The following NALF1 variants were observed in gnomAD, a reference collection of about 807,000 sequenced individuals.
The protein encoded by NALF1 is NALCN channel auxiliary factor 1, also known as family with sequence similarity 155 member A.
Under a neutral mutation model 48.4 loss-of-function variants are expected in NALF1, and 3 were observed. The ratio of observed to expected loss-of-function variants is 0.06; its 90% confidence interval spans 0.03 to 0.16. The LOEUF is 0.16. Among genes scored for constraint, NALF1 ranks in the 10% least tolerant of loss-of-function variants. The pLI is 1.00. For synonymous variants in NALF1, 262 were observed against 245.7 expected (o/e 1.07, Z -0.62); for missense variants, 526 against 571.5 (o/e 0.92, Z 0.81).
intron 1 of NALF1, among the ~76,000 whole-genome samples, chr13:107,834,206 C>T (rs1416483015): frequency 6.6e-6 from 1 of 152,098 alleles, no homozygotes; most frequent in East Asian, 1.9e-4. Flanking sequence ...GATGCAAATA[C>T]TATGCCATGT....
At chr13:107,800,528 TTAAC>T (rs1427950038) in intron 1 of NALF1, among the ~76,000 whole-genome samples, 2 of 137,674 alleles carry the variant, frequency 1.5e-5, no homozygotes, top group South Asian at 2.2e-4. Flanking sequence ...TGCATCTGAA[TTAAC>T]TAATTTAAGT....
chr13:107,549,482 T>G (rs1465819933), intron 1 of NALF1, among the ~76,000 whole-genome samples: 1 of 152,176 alleles, frequency 6.6e-6, no homozygotes, highest in East Asian at 1.9e-4. Context: ...CATACAAATT[T>G]CAGTCTTTAA....
At position 107,168,771 on chromosome 13, in the gene NALF1, T is replaced by C. The variant is rs925768363; in HGVS notation, c.*1726A>G. The C allele has an allele frequency of 6.6e-5, 10 of 152,580 alleles. No homozygotes were observed. The highest frequency in any genetic ancestry group is 2.2e-4 in the African/African-American group (9 of 41,430). 9.5% of individuals were successfully genotyped at this position (152,580 alleles called of 1,614,324 possible). A position where few individuals can be genotyped will look rare whatever the true frequency, so the allele number is the denominator to read the frequency against. The stretch of plus-strand genomic sequence containing the variant: ...TGTACGCATGTCGCAGGGTTAAGTA[T>C]GATGCAGAGGTTAAAGTCTGTTTGA... On this transcript the variant is annotated 3_prime_UTR_variant, in exon 3 of 3. Transcript: ENST00000375915.
intron 1 of NALF1, among the ~76,000 whole-genome samples, chr13:107,344,345 C>T (rs1158556961): frequency 6.6e-6 from 1 of 152,078 alleles, no homozygotes; most frequent in East Asian, 1.9e-4. Flanking sequence ...ATGAGTCCAT[C>T]ATTACTCTGA....
intron 1 of NALF1, among the ~76,000 whole-genome samples, chr13:107,237,241 G>C (rs1275158102): frequency 6.6e-6 from 1 of 151,972 alleles, no homozygotes; most frequent in African/African-American, 2.4e-5. Flanking sequence ...GCTGGATGGA[G>C]AAAGTATGAA....
chr13:107,528,672 G>T (rs79879942), intron 1 of NALF1, among the ~76,000 whole-genome samples: 2,402 of 152,190 alleles, frequency 0.016, 34 homozygotes, highest in Non-Finnish European at 0.024. Flanking sequence ...TAACATAGTA[G>T]GTCCTGAGGA....
At chr13:107,848,577 C>A (rs1880230379) in intron 1 of NALF1, among the ~76,000 whole-genome samples, 2 of 152,102 alleles carry the variant, frequency 1.3e-5, no homozygotes. Context: ...CACATGTGGA[C>A]AAACAGTAAC....
At chr13:107,259,114 T>C (rs975221666) in intron 1 of NALF1, among the ~76,000 whole-genome samples, 1 of 152,198 alleles carries the variant, frequency 6.6e-6, no homozygotes, top group Admixed American at 6.5e-5. Context: ...ATTTCCTTTC[T>C]GCATCAGGGG....
chr13:107,520,856 T>C (rs1453074063), intron 1 of NALF1, among the ~76,000 whole-genome samples: 1 of 152,134 alleles, frequency 6.6e-6, no homozygotes, highest in Non-Finnish European at 1.5e-5. Flanking sequence ...GGTAGACCCC[T>C]GCCTGTGAGA....
chr13:107,547,194 A>C (rs1877158269), intron 1 of NALF1, among the ~76,000 whole-genome samples: 1 of 152,224 alleles, frequency 6.6e-6, no homozygotes, highest in South Asian at 2.1e-4. Context: ...CCACATCAGA[A>C]GAGTGCCTCA....
chr13:107,747,182 A>G (rs1256172271), intron 1 of NALF1, among the ~76,000 whole-genome samples: 1 of 152,232 alleles, frequency 6.6e-6, no homozygotes, highest in Admixed American at 6.5e-5. Context: ...CAACATGGCT[A>G]TAATTTCCAT....
chr13:107,693,022 G>A (rs960998246), intron 1 of NALF1, among the ~76,000 whole-genome samples: 20 of 152,148 alleles, frequency 1.3e-4, no homozygotes, highest in Admixed American at 3.9e-4. Flanking sequence ...TCAGTAATGG[G>A]ATTGCTGGGT....
At chr13:107,618,120 CGA>C (rs1160078929) in intron 1 of NALF1, among the ~76,000 whole-genome samples, 7 of 151,290 alleles carry the variant, frequency 4.6e-5, no homozygotes, top group Non-Finnish European at 8.8e-5. Flanking sequence ...AACAGGGCAC[CGA>C]GAGAGAAAAT....
intron 1 of NALF1, among the ~76,000 whole-genome samples, chr13:107,225,626 G>C (rs533866302): frequency 6.6e-6 from 1 of 152,204 alleles, no homozygotes; most frequent in African/African-American, 2.4e-5. Flanking sequence ...GTGGGGGATG[G>C]GGATGGGGAT....
At chr13:107,321,070 C>T (rs1244179473) in intron 1 of NALF1, 1 of 151,990 alleles carries the variant, frequency 6.6e-6, no homozygotes, top group Non-Finnish European at 1.5e-5. Context: ...TATTATTGCA[C>T]ACTGAATTTT....
chr13:107,449,789 C>T (rs574935593), intron 1 of NALF1, among the ~76,000 whole-genome samples: 2 of 152,256 alleles, frequency 1.3e-5, no homozygotes, highest in South Asian at 2.1e-4. Context: ...AAATATAGCA[C>T]ATAATTTGAT....
chr13:107,841,141 C>A (rs764319381), intron 1 of NALF1, among the ~76,000 whole-genome samples: 1 of 152,100 alleles, frequency 6.6e-6, no homozygotes, highest in Non-Finnish European at 1.5e-5. Context: ...TTTGTATATA[C>A]AAGATATTTT....
At chr13:107,185,790 A>G (rs16969793) in intron 2 of NALF1, among the ~76,000 whole-genome samples, 2,594 of 152,154 alleles carry the variant, frequency 0.017, 77 homozygotes, top group African/African-American at 0.058. Flanking sequence ...CAGATTCACA[A>G]TCTCCTTTTG....
intron 1 of NALF1, among the ~76,000 whole-genome samples, chr13:107,689,117 C>T (rs1881508888): frequency 1.3e-5 from 2 of 152,174 alleles, no homozygotes; most frequent in African/African-American, 4.8e-5. Flanking sequence ...CCCTTGTCAA[C>T]AACCAGGGAG....
Sources: allele counts gnomAD v4.1 joint callset (sites outside exome capture counted in the v4.1 genomes callset), GRCh38; gene constraint gnomAD v4.1.1; transcripts MANE v1.5; gene names NCBI Gene and HGNC (gene_info 2026-07-23, HGNC 2026-07-21).